INPP5A: variants seen among roughly 807,000 people sequenced by gnomAD.
INPP5A encodes the protein inositol polyphosphate-5-phosphatase A.
In INPP5A, 14 loss-of-function variants were observed where a neutral mutation model predicts 65.2. The ratio of observed to expected loss-of-function variants is 0.21; its 90% CI spans 0.14 to 0.34. The LOEUF is 0.34. Among genes scored for constraint, INPP5A ranks in the 10% least tolerant of loss-of-function variants. The pLI is 1.00. For synonymous variants in INPP5A, 207 were observed against 208.3 expected, an observed-to-expected ratio of 0.99 and a Z score of 0.05; for missense variants, 431 against 545.6, an observed-to-expected ratio of 0.79 and a Z score of 2.09.
chr10:132,665,754 G>A (rs2072792881), intron 4 of INPP5A, among the ~76,000 whole-genome samples: 1 of 148,212 alleles, frequency 6.7e-6, no homozygotes. Flanking sequence ...AGTAATCCCA[G>A]CACTCTGGGA....
intron 2 of INPP5A, among the ~76,000 whole-genome samples, chr10:132,619,386 A>G (rs2072082941): frequency 6.6e-6 from 1 of 152,180 alleles, no homozygotes; most frequent in African/African-American, 2.4e-5. Context: ...GTGGGCTTCT[A>G]TGGCCTTGAC....
At position 132,571,947 on chromosome 10, in the gene INPP5A, A is replaced by T. The variant is rs185877149; in HGVS notation, c.75+33776A>T. ...CAGAGTGGGCCGCACCCTGACCACCACCTCTGTCCCCCACTGCTGTGCCCC... is the reference window on the plus strand; with the variant it reads ...CAGAGTGGGCCGCACCCTGACCACCTCCTCTGTCCCCCACTGCTGTGCCCC... On this transcript the variant is annotated intron_variant, in intron 1 of 15. Coordinates refer to ENST00000368594, the MANE Select transcript of INPP5A (RefSeq NM_005539.5). Among the ~76,000 whole-genome samples the T allele has an allele frequency of 2.2e-3, 342 of 152,066 alleles. 1 individual carries two copies. The highest frequency in any genetic ancestry group is 7.5e-3 in the African/African-American group (313 of 41,466).
intron 4 of INPP5A, among the ~76,000 whole-genome samples, chr10:132,653,911 C>T (rs1056316065): frequency 2.0e-5 from 3 of 152,232 alleles, no homozygotes; most frequent in South Asian, 2.1e-4. Flanking sequence ...CTCAAGAAGC[C>T]GCTGTGTACT....
intron 2 of INPP5A, among the ~76,000 whole-genome samples, chr10:132,615,393 T>G (rs1160238570): frequency 6.6e-6 from 1 of 152,214 alleles, no homozygotes; most frequent in Non-Finnish European, 1.5e-5. Flanking sequence ...AAGACTTCTG[T>G]GTGGCTTTCA....
chr10:132,558,495 G>C (rs1292274768), intron 1 of INPP5A, among the ~76,000 whole-genome samples: 4 of 152,204 alleles, frequency 2.6e-5, no homozygotes. Flanking sequence ...TCTCCATCAG[G>C]CTCCCTCTGG....
intron 11 of INPP5A, among the ~76,000 whole-genome samples, chr10:132,759,019 T>C (rs944401385): frequency 6.6e-6 from 1 of 152,272 alleles, no homozygotes; most frequent in African/African-American, 2.4e-5. Flanking sequence ...TATTGAACTC[T>C]GTTTACATTT....
intron 2 of INPP5A, among the ~76,000 whole-genome samples, chr10:132,613,009 C>T (rs745795609): frequency 3.3e-5 from 5 of 152,180 alleles, no homozygotes; most frequent in Non-Finnish European, 5.9e-5. Flanking sequence ...GGAGGGCAGT[C>T]TTGGGGAGCA....
At chr10:132,670,626 A>G (rs1032206236) in intron 4 of INPP5A, among the ~76,000 whole-genome samples, 1 of 151,106 alleles carries the variant, frequency 6.6e-6, no homozygotes, top group African/African-American at 2.4e-5. Flanking sequence ...CAGCACAGCT[A>G]AGTCTTCACC....
rs566879405 is a variant in INPP5A, at chr10:132,598,076, C to T, written c.76-9839C>T. 4.6e-5 allele frequency among the ~76,000 whole-genome samples: 7 copies of T among 152,342 alleles called. 1 individual carries two copies. The South Asian group carries it at 6.2e-4, about 14-fold the overall frequency. On this transcript the variant is annotated intron_variant, in intron 1 of 15. Coordinates refer to ENST00000368594, the MANE Select transcript of INPP5A (RefSeq NM_005539.5). ...CAGTTTTTGTTTGATTTCGCTTGGG[C>T]GTCTGGGACCTACCCTTCCTACTGC...
At chr10:132,711,795 G>A (rs2134534666) in intron 8 of INPP5A, among the ~76,000 whole-genome samples, 1 of 152,356 alleles carries the variant, frequency 6.6e-6, no homozygotes, top group Admixed American at 6.5e-5. Context: ...CTGTCCCTGG[G>A]GCAGTCACAA....
At chr10:132,713,635 C>A (rs1845689385) in intron 8 of INPP5A, among the ~76,000 whole-genome samples, 1 of 152,170 alleles carries the variant, frequency 6.6e-6, no homozygotes, top group Non-Finnish European at 1.5e-5. Flanking sequence ...TGGTCCCCTG[C>A]CACTAGCCTG....
chr10:132,695,807 C>T (rs1452423003), intron 5 of INPP5A, among the ~76,000 whole-genome samples: 1 of 152,180 alleles, frequency 6.6e-6, no homozygotes, highest in Non-Finnish European at 1.5e-5. Flanking sequence ...TACAAGATCT[C>T]TGTGAGGAAA....
At chr10:132,553,940 GATAGGGAGGGAGGATTGGTGA>G (rs2071089837) in intron 1 of INPP5A, among the ~76,000 whole-genome samples, 1 of 150,482 alleles carries the variant, frequency 6.6e-6, no homozygotes, top group African/African-American at 2.5e-5. Flanking sequence ...TATTGGGTAG[GATAGGGAGGGAGGATTGGTGA>G]ACACCTTCTC....
chr10:132,719,515 C>T (rs1319022408), intron 8 of INPP5A, among the ~76,000 whole-genome samples: 1 of 150,696 alleles, frequency 6.6e-6, no homozygotes, highest in Non-Finnish European at 1.5e-5. Context: ...GTCTGGGCGC[C>T]TTAGACGGCT....
In INPP5A at chr10:132,699,065, G is replaced by A. The variant is rs538840768; in HGVS notation, c.474+1146G>A. Among the ~76,000 whole-genome samples the A allele has an allele frequency of 7.2e-5, 11 of 152,342 alleles. 1 individual carries two copies. Among genetic ancestry groups the A allele is most frequent in the African/African-American group, 1.4e-4 (6 of 41,586 alleles). On this transcript the variant is annotated intron_variant, in intron 6 of 15. Coordinates refer to ENST00000368594, the MANE Select transcript of INPP5A (RefSeq NM_005539.5). ...CCGCCCGTTTGCCTCCCTCCGCTCC[G>A]GATGTCCAGCAGTTGGAAAGGACAT...
chr10:132,723,430 C>CTTGGCCATGTGGGGA (rs1845923293), intron 8 of INPP5A, among the ~76,000 whole-genome samples: 1 of 151,068 alleles, frequency 6.6e-6, no homozygotes, highest in South Asian at 2.1e-4. Context: ...CACACAGATG[C>CTTGGCCATGTGGGGA]TTGGCCATGT....
chr10:132,545,065 G>T lies in INPP5A; in HGVS notation c.75+6894G>T, dbSNP rs767843208. Among the ~76,000 whole-genome samples, 1 of 152,130 alleles carries T rather than the reference G, an allele frequency of 6.6e-6. No individual in the cohort carries two copies. Among genetic ancestry groups the T allele is most frequent in the African/African-American group, 2.4e-5 (1 of 41,416 alleles). Reference sequence around the variant, plus strand: ...GGTCACGTCCGTCCCTGTTGCCTGCGCTGCTCCGAGAAGCCCCACTCTGAC... The same window carrying T: ...GGTCACGTCCGTCCCTGTTGCCTGCTCTGCTCCGAGAAGCCCCACTCTGAC... On this transcript the variant is annotated intron_variant, in intron 1 of 15. Coordinates refer to ENST00000368594, the MANE Select transcript of INPP5A (RefSeq NM_005539.5). The surrounding 1 kb of genome is among the most constrained non-coding windows in gnomAD (Gnocchi z 4.6).
intron 4 of INPP5A, among the ~76,000 whole-genome samples, chr10:132,677,360 C>A (rs2072980363): frequency 6.6e-6 from 1 of 152,240 alleles, no homozygotes; most frequent in Non-Finnish European, 1.5e-5. Context: ...TCTGGTCACT[C>A]ATGTATCTCA....
At chr10:132,722,227 T>A (rs148986644) in intron 8 of INPP5A, among the ~76,000 whole-genome samples, 1 of 152,182 alleles carries the variant, frequency 6.6e-6, no homozygotes, top group Non-Finnish European at 1.5e-5. Flanking sequence ...GTACACAACT[T>A]AGGCCTTTAA....
Sources: allele counts gnomAD v4.1 joint callset (sites outside exome capture counted in the v4.1 genomes callset), GRCh38; gene constraint gnomAD v4.1.1; non-coding constraint Gnocchi (gnomAD v3.1); transcripts MANE v1.5; gene names NCBI Gene and HGNC (gene_info 2026-07-23, HGNC 2026-07-21).